Variants in ANXA7 observed in about 807,000 individuals in gnomAD.
ANXA7 encodes the protein annexin A7, also known as annexin VII.
In ANXA7, 55 loss-of-function variants were observed where a neutral mutation model predicts 64.9. The ratio of observed to expected loss-of-function variants is 0.85; its 90% CI spans 0.68 to 1.06. The LOEUF (loss-of-function observed/expected upper bound fraction) is 1.06. Ranked by LOEUF, ANXA7 falls within the 50% of genes least tolerant of loss-of-function variation. The pLI is 0.00. For synonymous variants in ANXA7, 200 were observed against 192.4 expected, an observed-to-expected ratio of 1.04 and a Z score of -0.33; for missense variants, 548 against 582.1, an observed-to-expected ratio of 0.94 and a Z score of 0.60.
rs2055166937 is a variant in ANXA7 at position 73,376,152 on chromosome 10, A to G, written c.1344T>C (p.Ile448=). The change falls in exon 13 of 13, where the codon ATT becomes ATC. Residue 448 remains isoleucine, a synonymous_variant. Transcript: ENST00000372921. ...QMYQKTLGTM[I]AGDTSGDYRR... ...GGTAATCTCCACTCGTGTCACCTGCAATCATTGTGCCCAGAGTCTTCTGAT... is the reference window on the plus strand; with the variant it reads ...GGTAATCTCCACTCGTGTCACCTGCGATCATTGTGCCCAGAGTCTTCTGAT... 3.1e-6 allele frequency: 5 copies of G among 1,609,544 alleles called. No homozygotes were observed. The highest frequency in any genetic ancestry group is 1.3e-5 in the African/African-American group (1 of 74,760).
At chr10:73,386,214 TA>T (rs377002771) in intron 7 of ANXA7, among the ~76,000 whole-genome samples, 16,836 of 83,370 alleles carry the variant, frequency 0.2, 1,309 homozygotes, top group East Asian at 0.38. Flanking sequence ...CAAAAAAAAG[TA>T]AAAAAAAAAA....
chr10:73,397,015 T>C, intron 4 of ANXA7, 149 bp downstream of exon 4: 1 of 483,034 alleles, frequency 2.1e-6, no homozygotes, highest in Admixed American at 3.7e-5. Flanking sequence ...CAATTTAATA[T>C]ATTTCATAAA....
rs202027706 is a variant in ANXA7, at chr10:73,379,993, T to C, written c.1089+38A>G. On this transcript the variant is annotated intron_variant, in intron 10 of 12. Transcript: ENST00000372921. The stretch of plus-strand genomic sequence containing the variant: ...TAAAGGGTTAAATATTTTTGTATCT[T>C]ACAGCAGAAGCCAAATCTTCAAAAG... The C allele has an allele frequency of 1.9e-5, 30 of 1,612,856 alleles. No individual in the cohort carries two copies. In the East Asian group the frequency reaches 5.3e-4, roughly 29 times the overall value.
At position 73,398,228 on chromosome 10, in the gene ANXA7, C is replaced by A. The variant is rs142337970; in HGVS notation, c.212G>T (p.Gly71Val). The A allele has an allele frequency of 6.2e-7, 1 of 1,613,922 alleles. No homozygotes were observed. The highest frequency in any genetic ancestry group is 1.3e-5 in the African/African-American group (1 of 75,044). Residue 71 changes from glycine to valine, a missense_variant, in exon 3 of 13, where the codon GGC (glycine) becomes GTC (valine). Gly to Val is a moderately radical substitution (Grantham distance 109). Transcript: ENST00000372921. ...CCCTGGCTGTGGGGCACCAGGATAGCCTCCAGGGGCTGGATAACCTCCAGG... is the reference window on the plus strand; with the variant it reads ...CCCTGGCTGTGGGGCACCAGGATAGACTCCAGGGGCTGGATAACCTCCAGG... ...PAPGGYPAPG[G>V]YPGAPQPGGA...
chr10:73,400,072 G>A (rs962746090), intron 2 of ANXA7, among the ~76,000 whole-genome samples: 5 of 151,730 alleles, frequency 3.3e-5, no homozygotes, highest in African/African-American at 4.8e-5. Flanking sequence ...GAACCCAGGA[G>A]GCATAAGTTG....
At chr10:73,387,845 T>C in intron 6 of ANXA7, 62 bp from the exon 7 acceptor site, 1 of 772,664 alleles carries the variant, frequency 1.3e-6, no homozygotes, top group Non-Finnish European at 2.1e-6. Flanking sequence ...CTTGAGGTCA[T>C]CTTTTTTTTT....
rs117701339 is a variant in ANXA7 at position 73,391,536 on chromosome 10, C to T, written c.436-3122G>A. ...CTGATGCAGGAGGATCGCTTGAGCCCAGCATTTCGAGGCTGCAGTGAGCTT... is the reference window on the plus strand; with the variant it reads ...CTGATGCAGGAGGATCGCTTGAGCCTAGCATTTCGAGGCTGCAGTGAGCTT... On this transcript the variant is annotated intron_variant, in intron 5 of 12. Coordinates refer to ENST00000372921, the MANE Select transcript of ANXA7 (RefSeq NM_001156.5). Among the ~76,000 whole-genome samples, 30 of 152,230 alleles carry T rather than the reference C, an allele frequency of 2.0e-4. No homozygotes were observed. In the East Asian group the frequency reaches 2.7e-3, roughly 14 times the overall value.
Position 73,380,037 on chromosome 10 carries a change from A to T in ANXA7, c.1083T>A (p.Tyr361Ter), listed in dbSNP as rs758892423. ...FPQLRATMEA[Y>*]SRMANRDLLS... ...TCAAAAGAAAAGCTCATACCCTAGA[A>T]TAAGCCTCCATGGTAGCTCTCAGCT... The change falls in exon 10 of 13, where the codon TAT (tyrosine) becomes TAA (stop). Residue 361 changes from tyrosine (Y) to a stop codon, truncating the protein, a stop_gained. Transcript: ENST00000372921. LOFTEE classifies it high-confidence loss of function. 2 of 1,613,956 alleles carry T rather than the reference A, an allele frequency of 1.2e-6. No homozygotes were observed.
rs754316347 is a variant in ANXA7 at position 73,379,928 on chromosome 10, A to G, written c.1116T>C (p.Ser372=). ...CATATCCGGAAAACTCACGGCTCACACTGCTTAACAAGTCTCGATTAGCCA... is the reference window on the plus strand; with the variant it reads ...CATATCCGGAAAACTCACGGCTCACGCTGCTTAACAAGTCTCGATTAGCCA... The part of the protein sequence containing the change: ...SRMANRDLLS[S]VSREFSGYVE... The change falls in exon 11 of 13, where the codon AGT becomes AGC. Residue 372 remains serine, a synonymous_variant. Transcript: ENST00000372921. 6.2e-7 allele frequency: 1 copy of G among 1,614,238 alleles called. No individual in the cohort carries two copies. The highest frequency in any genetic ancestry group is 8.5e-7 in the Non-Finnish European group (1 of 1,180,046).
intron 1 of ANXA7, among the ~76,000 whole-genome samples, chr10:73,407,970 T>C (rs563489291): frequency 1.4e-4 from 21 of 152,312 alleles, no homozygotes; most frequent in African/African-American, 5.1e-4. Flanking sequence ...TTTGCTTTTT[T>C]CTTTTCTAAG....
intron 6 of ANXA7, 135 bp from the exon 7 acceptor site, chr10:73,387,918 C>T: frequency 1.5e-6 from 1 of 661,484 alleles, no homozygotes; most frequent in Non-Finnish European, 2.6e-6. Context: ...ATGGTGTGAT[C>T]TAGGCTGACT....
intron 5 of ANXA7, among the ~76,000 whole-genome samples, chr10:73,394,137 A>T (rs530381661): frequency 6.6e-6 from 1 of 152,348 alleles, no homozygotes; most frequent in South Asian, 2.1e-4. Context: ...CCATCAGAGA[A>T]ATGCAAATCA....
intron 6 of ANXA7, among the ~76,000 whole-genome samples, 188 bp from the exon 7 acceptor site, chr10:73,387,971 C>T (rs1373976055): frequency 6.6e-6 from 1 of 151,678 alleles, no homozygotes; most frequent in Non-Finnish European, 1.5e-5. Flanking sequence ...CCTGCCTCAG[C>T]TTCCCGTGAA....
At position 73,388,300 on chromosome 10, in the gene ANXA7, T is replaced by C. The variant is rs1266810311; in HGVS notation, c.538+12A>G. 1 of 1,598,606 alleles carries C rather than the reference T, an allele frequency of 6.3e-7. No individual in the cohort carries two copies. Among genetic ancestry groups the C allele is most frequent in the Non-Finnish European group, 8.6e-7 (1 of 1,166,138 alleles). ...TAACTTATTAAAAAAGACAAAAATT[T>C]GTTTTCCTTACCAAAACCCTTCATT... On this transcript the variant is annotated intron_variant, in intron 6 of 12. Coordinates refer to ENST00000372921, the MANE Select transcript of ANXA7 (RefSeq NM_001156.5).
At chr10:73,386,619 A>G (rs561724347) in intron 7 of ANXA7, among the ~76,000 whole-genome samples, 15 of 152,354 alleles carry the variant, frequency 9.8e-5, no homozygotes, top group African/African-American at 3.4e-4. Flanking sequence ...GCATGTACAC[A>G]ACACAGAAGC....
At chr10:73,403,510 C>G (rs1386718436) in intron 1 of ANXA7, among the ~76,000 whole-genome samples, 1 of 151,972 alleles carries the variant, frequency 6.6e-6, no homozygotes, top group Non-Finnish European at 1.5e-5. Context: ...AAAACAACAA[C>G]AACAAAAAAC....
At chr10:73,382,013 G>C (rs901867414) in intron 9 of ANXA7, among the ~76,000 whole-genome samples, 9 of 151,966 alleles carry the variant, frequency 5.9e-5, no homozygotes, top group African/African-American at 2.2e-4. Context: ...CAGGTAGCTG[G>C]GATTACAGGT....
chr10:73,380,921 T>C (rs931975702), intron 9 of ANXA7, among the ~76,000 whole-genome samples: 41 of 152,218 alleles, frequency 2.7e-4, no homozygotes, highest in Admixed American at 2.6e-3. Flanking sequence ...GGCACTGTGT[T>C]AAGCGGTAGG....
In ANXA7 at chr10:73,398,169, C is replaced by A. The variant is rs1564530235; in HGVS notation, c.259+12G>T. Reference sequence around the variant, plus strand: ...ATCCCAATCATTACTAATTCCGCAACCCGTAACTCACCTCCGGGATAGGAT... The same window carrying A: ...ATCCCAATCATTACTAATTCCGCAAACCGTAACTCACCTCCGGGATAGGAT... On this transcript the variant is annotated intron_variant, in intron 3 of 12. Transcript: ENST00000372921. The A allele has an allele frequency of 6.2e-7, 1 of 1,604,844 alleles. No individual in the cohort carries two copies. The highest frequency in any genetic ancestry group is 2.2e-5 in the East Asian group (1 of 44,674).
Sources: allele counts gnomAD v4.1 joint callset (sites outside exome capture counted in the v4.1 genomes callset), GRCh38; gene constraint gnomAD v4.1.1; transcripts MANE v1.5; gene names NCBI Gene and HGNC (gene_info 2026-07-23, HGNC 2026-07-21).